SYNJ1: variants seen among roughly 807,000 people sequenced by gnomAD.
SYNJ1 encodes the protein synaptojanin 1.
A neutral mutation model predicts 168.2 loss-of-function variants in SYNJ1; 78 were observed. That is an observed-to-expected ratio of 0.46 (90% CI 0.39 to 0.56). SYNJ1 has a LOEUF of 0.56. Ranked by LOEUF, SYNJ1 falls within the 20% of genes least tolerant of loss-of-function variation. The probability of loss-of-function intolerance (pLI) is 0.00; values close to 1 mark genes in which losing one functional copy is unlikely to be tolerated. For synonymous variants in SYNJ1, 539 were observed against 548.6 expected (o/e 0.98, Z 0.24); for missense variants, 1,303 against 1,597.6 (o/e 0.82, Z 3.14).
chr21:32,677,215 T>C (rs1272399660), intron 12 of SYNJ1, among the ~76,000 whole-genome samples: 2 of 152,222 alleles, frequency 1.3e-5, no homozygotes, highest in South Asian at 2.1e-4. Context: ...ATGTGTGTTT[T>C]ATATGTTGTA....
chr21:32,728,104 AG>A (rs2043563674), upstream of SYNJ1: 2 of 1,494,048 alleles, frequency 1.3e-6, no homozygotes, highest in Middle Eastern at 2.1e-4. Context: ...ATCAGGAGGG[AG>A]ACCACGCCCA....
Position 32,631,664 on chromosome 21 carries a change from G to T in SYNJ1, c.*141C>A. 6.2e-7 allele frequency: 1 copy of T among 1,614,202 alleles called. No homozygotes were observed. The highest frequency in any genetic ancestry group is 1.1e-5 in the South Asian group (1 of 91,080). ...AAGGCAACTGAATCAACCTCTTTGG[G>T]TCTGGGGTGGGAACAGGTGACGTTT... On this transcript the variant is annotated 3_prime_UTR_variant, in exon 33 of 33. Coordinates refer to ENST00000674351, the MANE Select transcript of SYNJ1 (RefSeq NM_203446.3).
chr21:32,652,129 G>A (rs964789808), intron 22 of SYNJ1, among the ~76,000 whole-genome samples: 5 of 151,700 alleles, frequency 3.3e-5, no homozygotes, highest in African/African-American at 1.2e-4. Flanking sequence ...TTTTACATGA[G>A]TATACTAGTA....
intron 32 of SYNJ1, 33 bp from the exon 33 acceptor site, chr21:32,631,834 T>A: frequency 6.4e-7 from 1 of 1,558,710 alleles, no homozygotes; most frequent in Non-Finnish European, 8.7e-7. Context: ...AAAAATCAGT[T>A]TATATTTACT....
rs771283717 is a variant in SYNJ1, at chr21:32,726,921, C to A, written c.-22-4G>T. The A allele has an allele frequency of 1.1e-5, 17 of 1,613,440 alleles. No individual in the cohort carries two copies. In the South Asian group the frequency reaches 1.1e-4, roughly 10 times the overall value. Reference sequence around the variant, plus strand: ...TCTCCTTTCTTCGGAGGCAGCCCTGCGAAAACCAAGCAAAGCAAAGCAAAT... The same window carrying A: ...TCTCCTTTCTTCGGAGGCAGCCCTGAGAAAACCAAGCAAAGCAAAGCAAAT... On this transcript the variant is annotated splice_region_variant and splice_polypyrimidine_tract_variant and intron_variant, in intron 1 of 32. Coordinates refer to ENST00000674351, the MANE Select transcript of SYNJ1 (RefSeq NM_203446.3).
rs912396201 is a variant in SYNJ1 at position 32,688,233 on chromosome 21, G to A, written c.851+73C>T. 4.9e-6 allele frequency: 7 copies of A among 1,423,148 alleles called. No individual in the cohort carries two copies. The South Asian group carries it at 6.5e-5, about 13-fold the overall frequency. 88.2% of individuals were successfully genotyped at this position (1,423,148 alleles called of 1,614,324 possible). On this transcript the variant is annotated intron_variant, in intron 7 of 32. Coordinates refer to ENST00000674351, the MANE Select transcript of SYNJ1 (RefSeq NM_203446.3). ...ATTTAAAGCCAAAAAAGTTTGAAGT[G>A]AATCAGTAAATACAAGCAGTCCCAC...
In SYNJ1 at chr21:32,645,755, C is replaced by T. The variant is rs1203186587; in HGVS notation, c.3282G>A (p.Leu1094=). The T allele has an allele frequency of 8.2e-6, 12 of 1,464,862 alleles. No homozygotes were observed. Among genetic ancestry groups the T allele is most frequent in the Middle Eastern group, 1.8e-4 (1 of 5,526 alleles). The allele number at this position is 1,464,862 out of a possible 1,614,324, so 90.7% of individuals were successfully genotyped here. A position where few individuals can be genotyped will look rare whatever the true frequency, so the allele number is the denominator to read the frequency against. The change falls in exon 25 of 33, where the codon CTG becomes CTA. Residue 1094 remains leucine (L), a synonymous_variant. Transcript: ENST00000674351. ...SPIDAQPATP[L]PQKDPAQPLE... ...AGGGCTGGGCGGGGTCTTTCTGCGG[C>T]AGCGGCGTTGCTGGCTGCGCGTCAA...
chr21:32,679,250 T>C (rs2146029780), intron 11 of SYNJ1, among the ~76,000 whole-genome samples: 1 of 152,210 alleles, frequency 6.6e-6, no homozygotes, highest in South Asian at 2.1e-4. Flanking sequence ...ACTTTGGTAG[T>C]AGAAAAAGAA....
At chr21:32,653,486 G>C in intron 21 of SYNJ1, 120 bp from the exon 22 acceptor site, 1 of 769,946 alleles carries the variant, frequency 1.3e-6, no homozygotes, top group Non-Finnish European at 2.1e-6. Flanking sequence ...AAAAAGTAAA[G>C]GAGGGAGCGC....
chr21:32,645,741 G>T lies in SYNJ1; in HGVS notation c.3296C>A (p.Pro1099His), dbSNP rs1447192933. ...CCGCTTGGGCTCCAAGGGCTGGGCG[G>T]GGTCTTTCTGCGGCAGCGGCGTTGC... ...QPATPLPQKDPAQPLEPKRPP... is the reference protein window; with the variant it reads ...QPATPLPQKDHAQPLEPKRPP... The change falls in exon 25 of 33, where the codon CCC (proline) becomes CAC (histidine). Residue 1099 changes from proline to histidine, a missense_variant. By Grantham distance (77) the Pro-to-His change is moderately conservative (BLOSUM62 -2). Coordinates refer to ENST00000674351, the MANE Select transcript of SYNJ1 (RefSeq NM_203446.3). 1 of 1,467,366 alleles carries T rather than the reference G, an allele frequency of 6.8e-7. No individual in the cohort carries two copies. The highest frequency in any genetic ancestry group is 9.0e-7 in the Non-Finnish European group (1 of 1,108,384). 90.9% of individuals were successfully genotyped at this position (1,467,366 alleles called of 1,614,324 possible).
At chr21:32,706,461 C>T (rs1273876185) in intron 2 of SYNJ1, among the ~76,000 whole-genome samples, 3 of 148,180 alleles carry the variant, frequency 2.0e-5, no homozygotes, top group Non-Finnish European at 4.4e-5. Context: ...GCAACCTATT[C>T]TTAAAAAGTC....
chr21:32,708,855 A>G (rs2042712464), intron 2 of SYNJ1, among the ~76,000 whole-genome samples: 1 of 151,754 alleles, frequency 6.6e-6, no homozygotes, highest in African/African-American at 2.4e-5. Flanking sequence ...GTGGTGGCTC[A>G]CGCCTGTAAT....
At chr21:32,699,433 T>C (rs1406570559) in intron 4 of SYNJ1, among the ~76,000 whole-genome samples, 1 of 152,204 alleles carries the variant, frequency 6.6e-6, no homozygotes, top group East Asian at 1.9e-4. Context: ...GCCATCAATT[T>C]TGTACTCATT....
chr21:32,633,509 A>G (rs1338413106), intron 32 of SYNJ1, among the ~76,000 whole-genome samples: 1 of 152,234 alleles, frequency 6.6e-6, no homozygotes, highest in Non-Finnish European at 1.5e-5. Flanking sequence ...TAACTTAAGA[A>G]AACTTCAGGG....
chr21:32,697,944 A>ATT (rs2042269259), intron 4 of SYNJ1, among the ~76,000 whole-genome samples: 1 of 152,222 alleles, frequency 6.6e-6, no homozygotes, highest in Admixed American at 6.5e-5. Flanking sequence ...GAGGGAAAAA[A>ATT]ATGTAAGGAC....
Position 32,650,334 on chromosome 21 carries a change from T to G in SYNJ1, c.2887A>C (p.Thr963Pro). The G allele has an allele frequency of 6.2e-7, 1 of 1,606,096 alleles. No homozygotes were observed. Among genetic ancestry groups the G allele is most frequent in the Non-Finnish European group, 8.5e-7 (1 of 1,177,818 alleles). The change falls in exon 23 of 33, where the codon ACT becomes CCT. Residue 963 changes from threonine to proline, a missense_variant. This residue lies in a region of SYNJ1 where 920 missense variants were observed against 1,208.8 expected (regional missense o/e 0.76). Coordinates refer to ENST00000674351, the MANE Select transcript of SYNJ1 (RefSeq NM_203446.3). ...GGACTTTTTAAAGCAATAGTTATAGTCCGATTCAATAACTAGCGGAGTAAA... is the reference window on the plus strand; with the variant it reads ...GGACTTTTTAAAGCAATAGTTATAGGCCGATTCAATAACTAGCGGAGTAAA... ...SLNGKELLNRTITIALKSPDW... is the reference protein window; with the variant it reads ...SLNGKELLNRPITIALKSPDW...
intron 6 of SYNJ1, among the ~76,000 whole-genome samples, chr21:32,691,239 G>C (rs2042016111): frequency 6.6e-6 from 1 of 152,192 alleles, no homozygotes. Context: ...TCTCATACTA[G>C]TGAGTGAGTT....
intron 13 of SYNJ1, among the ~76,000 whole-genome samples, chr21:32,674,651 A>G (rs1309042835): frequency 1.3e-5 from 2 of 148,610 alleles, no homozygotes; most frequent in African/African-American, 2.5e-5. Context: ...TCTACAACCC[A>G]TCTTTTCCCT....
At chr21:32,701,368 A>G (rs967800792) in intron 3 of SYNJ1, among the ~76,000 whole-genome samples, 1 of 152,192 alleles carries the variant, frequency 6.6e-6, no homozygotes, top group Non-Finnish European at 1.5e-5. Context: ...GACTTTATCA[A>G]TGAAGGAAGC....
Sources: allele counts gnomAD v4.1 joint callset (sites outside exome capture counted in the v4.1 genomes callset), GRCh38; gene constraint gnomAD v4.1.1; regional missense constraint gnomAD v4.1.1; transcripts MANE v1.5; gene names NCBI Gene and HGNC (gene_info 2026-07-23, HGNC 2026-07-21).